The following SIL1 variants were observed in gnomAD, a reference collection of about 807,000 sequenced individuals.
SIL1 encodes the protein nucleotide exchange factor SIL1.
Under a neutral mutation model 49.1 loss-of-function variants are expected in SIL1, and 40 were observed. That is an observed-to-expected ratio of 0.81 (90% CI 0.63 to 1.06). SIL1 has a LOEUF of 1.06. Ranked by LOEUF, SIL1 falls within the 50% of genes least tolerant of loss-of-function variation. SIL1 has a pLI of 0.00. For synonymous variants in SIL1, 253 were observed against 250.8 expected, an observed-to-expected ratio of 1.01 and a Z score of -0.08; for missense variants, 500 against 572.6, an observed-to-expected ratio of 0.87 and a Z score of 1.29.
chr5:139,177,517 C>T (rs925757305), intron 1 of SIL1, among the ~76,000 whole-genome samples: 4 of 151,962 alleles, frequency 2.6e-5, no homozygotes, highest in Admixed American at 1.3e-4. Flanking sequence ...GGATTACAGG[C>T]ATGAGCCACC....
intron 1 of SIL1, among the ~76,000 whole-genome samples, chr5:139,168,866 G>A (rs1032048718): frequency 1.3e-5 from 2 of 151,638 alleles, no homozygotes; most frequent in Admixed American, 6.6e-5. Flanking sequence ...GGAGGCTGAG[G>A]TGGGAGAATC....
intron 5 of SIL1, 65 bp downstream of exon 5, chr5:139,042,555 C>A (rs1769069444): frequency 7.5e-6 from 10 of 1,334,396 alleles, no homozygotes; most frequent in Non-Finnish European, 1.1e-5. Context: ...AAAATGATTC[C>A]ATTCTCTGCA....
intron 5 of SIL1, among the ~76,000 whole-genome samples, chr5:139,028,594 G>A (rs1768715885): frequency 6.6e-6 from 1 of 152,140 alleles, no homozygotes; most frequent in African/African-American, 2.4e-5. Context: ...ACAAAAAATA[G>A]TACAGAGAGT....
chr5:138,974,257 C>G (rs1767347783), intron 7 of SIL1, among the ~76,000 whole-genome samples: 1 of 152,148 alleles, frequency 6.6e-6, no homozygotes, highest in Non-Finnish European at 1.5e-5. Context: ...CTCTTGGGCT[C>G]TCCTGCCTGT....
chr5:139,027,227 C>T (rs1296727299), intron 5 of SIL1, among the ~76,000 whole-genome samples: 2 of 152,212 alleles, frequency 1.3e-5, no homozygotes, highest in East Asian at 3.8e-4. Context: ...CCAAGATTCG[C>T]TTATTCAAGT....
chr5:139,065,009 G>A (rs1282087857), intron 3 of SIL1, among the ~76,000 whole-genome samples: 1 of 152,196 alleles, frequency 6.6e-6, no homozygotes, highest in Non-Finnish European at 1.5e-5. Context: ...ATGAGAAAAA[G>A]ACCAGGGCCA....
chr5:138,954,460 T>A (rs1580979310), intron 7 of SIL1, among the ~76,000 whole-genome samples: 3 of 152,272 alleles, frequency 2.0e-5, no homozygotes, highest in Admixed American at 6.5e-5. Context: ...TACCCCAGGG[T>A]TCCCACAGCT....
At chr5:139,145,826 A>G (rs1176525612) in intron 1 of SIL1, among the ~76,000 whole-genome samples, 1 of 152,138 alleles carries the variant, frequency 6.6e-6, no homozygotes, top group Non-Finnish European at 1.5e-5. Flanking sequence ...TGGCCCACTA[A>G]AGTGGGAGGA....
chr5:139,055,803 TG>T (rs1769400640), intron 3 of SIL1, among the ~76,000 whole-genome samples: 1 of 117,758 alleles, frequency 8.5e-6, no homozygotes, highest in African/African-American at 3.9e-5. Context: ...GCCGAGTGCC[TG>T]CGATTGCAGG....
intron 1 of SIL1, among the ~76,000 whole-genome samples, chr5:139,189,206 C>T (rs1176497300): frequency 1.3e-5 from 2 of 152,162 alleles, no homozygotes; most frequent in Non-Finnish European, 2.9e-5. Context: ...TATCAGAAAC[C>T]CATCCAAGGA....
chr5:139,019,932 T>A (rs1373631563), intron 7 of SIL1, among the ~76,000 whole-genome samples: 1 of 152,208 alleles, frequency 6.6e-6, no homozygotes, highest in African/African-American at 2.4e-5. Flanking sequence ...TCTAAAGCCT[T>A]ATAAGGCTAA....
chr5:139,036,955 GTTTC>G (rs1207433553), intron 5 of SIL1, among the ~76,000 whole-genome samples: 4 of 152,060 alleles, frequency 2.6e-5, no homozygotes, highest in South Asian at 2.1e-4. Flanking sequence ...GATATTTCAA[GTTTC>G]TTTCTATTAT....
intron 3 of SIL1, among the ~76,000 whole-genome samples, chr5:139,071,187 A>G (rs1769823282): frequency 9.2e-6 from 1 of 108,560 alleles, no homozygotes; most frequent in Admixed American, 9.3e-5. Context: ...CAGACAATTT[A>G]TAAGAAGAAG....
intron 7 of SIL1, among the ~76,000 whole-genome samples, chr5:139,015,937 G>A (rs939431568): frequency 1.1e-4 from 16 of 152,090 alleles, no homozygotes; most frequent in Non-Finnish European, 1.5e-4. Context: ...ATGAAAAAGG[G>A]GGAGGCCAGG....
intron 1 of SIL1, among the ~76,000 whole-genome samples, chr5:139,179,756 G>C (rs1297680943): frequency 6.6e-6 from 1 of 152,146 alleles, no homozygotes; most frequent in Non-Finnish European, 1.5e-5. Context: ...TGAATGGTAA[G>C]GTCAAGGGTC....
intron 1 of SIL1, among the ~76,000 whole-genome samples, chr5:139,179,934 G>C (rs1751951890): frequency 6.6e-6 from 1 of 151,852 alleles, no homozygotes; most frequent in South Asian, 2.1e-4. Context: ...GCACATGACT[G>C]TAGTCCCACT....
At chr5:138,986,725 A>G (rs1767656615) in intron 7 of SIL1, among the ~76,000 whole-genome samples, 1 of 152,258 alleles carries the variant, frequency 6.6e-6, no homozygotes, top group Non-Finnish European at 1.5e-5. Context: ...GTGTGTTTTT[A>G]CACACTAGTT....
intron 1 of SIL1, among the ~76,000 whole-genome samples, chr5:139,195,451 G>A (rs887882387): frequency 1.3e-5 from 2 of 152,028 alleles, no homozygotes; most frequent in Non-Finnish European, 2.9e-5. Flanking sequence ...TGAATGGCGT[G>A]ATCTCCGCTC....
intron 4 of SIL1, among the ~76,000 whole-genome samples, chr5:139,047,080 A>G (rs895236027): frequency 2.1e-4 from 32 of 152,284 alleles, no homozygotes; most frequent in African/African-American, 7.7e-4. Flanking sequence ...CCTTAGCCCA[A>G]CCTTTTAACC....
Sources: gnomAD v4.1 joint callset for allele counts (sites outside exome capture counted in the v4.1 genomes callset) on GRCh38, gnomAD v4.1.1 for gene constraint, MANE v1.5 for transcripts, NCBI Gene and HGNC (gene_info 2026-07-23, HGNC 2026-07-21) for gene names.